SLC4A4: variants seen among roughly 807,000 people sequenced by gnomAD.
The protein encoded by SLC4A4 is electrogenic sodium bicarbonate cotransporter 1.
Under a neutral mutation model 111.5 loss-of-function variants are expected in SLC4A4, and 27 were observed. That is an observed-to-expected ratio of 0.24 (90% CI 0.18 to 0.33). The LOEUF (loss-of-function observed/expected upper bound fraction) is 0.33. Among genes scored for constraint, SLC4A4 ranks in the 10% least tolerant of loss-of-function variants. The pLI is 1.00. For synonymous variants in SLC4A4, 443 were observed against 463.4 expected (o/e 0.96, Z 0.57); for missense variants, 909 against 1,315.5 (o/e 0.69, Z 4.78).
intron 16 of SLC4A4, among the ~76,000 whole-genome samples, chr4:71,501,460 T>C (rs1349293633): frequency 6.6e-6 from 1 of 151,922 alleles, no homozygotes; most frequent in Non-Finnish European, 1.5e-5. Context: ...TTCTAGGTTA[T>C]TTAGTTTGTT....
At chr4:71,447,621 C>T (rs1191352866) in intron 8 of SLC4A4, 25 bp from the exon 9 acceptor site, 1 of 1,422,096 alleles carries the variant, frequency 7.0e-7, no homozygotes, top group Admixed American at 1.7e-5. Flanking sequence ...GTGTTATAGC[C>T]TTTGCTTCTT....
intron 15 of SLC4A4, among the ~76,000 whole-genome samples, chr4:71,491,920 T>G (rs1729958894): frequency 2.0e-5 from 3 of 151,676 alleles, no homozygotes; most frequent in Admixed American, 2.0e-4. Context: ...ACACTGAGGA[T>G]CTACTGTAAT....
intron 3 of SLC4A4, among the ~76,000 whole-genome samples, chr4:71,276,612 G>T (rs1723089681): frequency 6.7e-6 from 1 of 148,348 alleles, no homozygotes; most frequent in South Asian, 2.1e-4. Context: ...CTAGCATAGT[G>T]CCCTTAGTTC....
Position 71,102,021 on chromosome 4 carries a change from G to GA in SLC4A4, c.-2+9237dup, listed in dbSNP as rs1324834727. On this transcript the variant is annotated intron_variant, in intron 2 of 26. Coordinates refer to the SLC4A4 transcript ENST00000649996. ...CAAAGGCAAAGAAGTTGAAAACTTT[G>GA]AAAAAAAATTAGAAGAATGTATAAC... 9.3e-5 allele frequency among the ~76,000 whole-genome samples: 14 copies of GA among 150,332 alleles called. No homozygotes were observed. In the South Asian group the frequency reaches 2.5e-3, roughly 27 times the overall value.
At chr4:71,423,497 G>T (rs1045853265) in intron 7 of SLC4A4, among the ~76,000 whole-genome samples, 1 of 152,142 alleles carries the variant, frequency 6.6e-6, no homozygotes, top group African/African-American at 2.4e-5. Context: ...GATCTTGAAA[G>T]TTCATATGGA....
chr4:71,096,973 T>C (rs76490984), intron 2 of SLC4A4, among the ~76,000 whole-genome samples: 1,952 of 152,314 alleles, frequency 0.013, 38 homozygotes, highest in East Asian at 0.049. Flanking sequence ...TTTGTTCACA[T>C]TTTTATTGTG....
At chr4:71,433,378 A>G (rs1577889808) in intron 7 of SLC4A4, among the ~76,000 whole-genome samples, 1 of 151,788 alleles carries the variant, frequency 6.6e-6, no homozygotes, top group Admixed American at 6.6e-5. Context: ...TAGTTTAAAG[A>G]TACTTAAACT....
In SLC4A4 at chr4:71,567,845, A is replaced by C; in HGVS notation, c.*94A>C. 6.4e-7 allele frequency: 1 copy of C among 1,551,288 alleles called. No homozygotes were observed. The highest frequency in any genetic ancestry group is 8.7e-7 in the Non-Finnish European group (1 of 1,145,578). ...AAATTAGAATAGAACTTGAACCTGAAGACAATGATTATTTCTGGAGGAGCA... is the reference window on the plus strand; with the variant it reads ...AAATTAGAATAGAACTTGAACCTGACGACAATGATTATTTCTGGAGGAGCA... On this transcript the variant is annotated 3_prime_UTR_variant, in exon 26 of 26. Transcript: ENST00000264485.
intron 3 of SLC4A4, among the ~76,000 whole-genome samples, chr4:71,271,964 A>G (rs368242128): frequency 2.0e-5 from 3 of 152,226 alleles, no homozygotes; most frequent in Non-Finnish European, 4.4e-5. Context: ...AATTTAAACT[A>G]TTTCTTCAAG....
intron 6 of SLC4A4, among the ~76,000 whole-genome samples, chr4:71,369,943 G>A (rs1402591547): frequency 6.6e-6 from 1 of 152,078 alleles, no homozygotes; most frequent in Non-Finnish European, 1.5e-5. Flanking sequence ...ACACACACAC[G>A]ATTGTGAGAA....
Position 71,488,888 on chromosome 4 carries a change from A to ATGTGTGTGTGTGTGTGTG in SLC4A4, c.1974+1893_1974+1910dup, listed in dbSNP as rs66801188. Among the ~76,000 whole-genome samples, 17 of 140,672 alleles carry ATGTGTGTGTGTGTGTGTG rather than the reference A, an allele frequency of 1.2e-4. 1 individual carries two copies. The highest frequency in any genetic ancestry group is 8.9e-4 in the East Asian group (4 of 4,478). The allele number at this position is 140,672 out of a possible 152,430, so 92.3% of individuals were successfully genotyped here. A position where few individuals can be genotyped will look rare whatever the true frequency, so the allele number is the denominator to read the frequency against. On this transcript the variant is annotated intron_variant, in intron 15 of 25. Transcript: ENST00000264485. ...CTAGGGAAAGAAGTTAGAAGAAAAA[A>ATGTGTGTGTGTGTGTGTG]TGTGTGTGTGTGTGTGTGTGTGTGT...
At chr4:71,203,996 G>A (rs2579302) in intron 1 of SLC4A4, among the ~76,000 whole-genome samples, 42,267 of 152,048 alleles carry the variant, frequency 0.28, 9,106 homozygotes, top group African/African-American at 0.57. Flanking sequence ...TTCCAGAAAA[G>A]CCATGTTATT....
At chr4:71,107,782 A>C (rs1422928560) in intron 2 of SLC4A4, among the ~76,000 whole-genome samples, 1 of 151,464 alleles carries the variant, frequency 6.6e-6, no homozygotes, top group Non-Finnish European at 1.5e-5. Flanking sequence ...ATCATAGCTC[A>C]TTGCAGCCTC....
intron 6 of SLC4A4, among the ~76,000 whole-genome samples, chr4:71,379,797 A>T (rs1378806734): frequency 6.6e-6 from 1 of 152,150 alleles, no homozygotes; most frequent in Non-Finnish European, 1.5e-5. Flanking sequence ...TCTCAAATTC[A>T]TCTAGATTTC....
Position 71,453,537 on chromosome 4 carries a change from A to AT in SLC4A4, c.1371dup (p.Ala458CysfsTer3). On this transcript the variant is annotated frameshift_variant, in exon 12 of 26. Coordinates refer to ENST00000264485, the MANE Select transcript of SLC4A4 (RefSeq NM_001098484.3). LOFTEE classifies it high-confidence loss of function. ...TTAAAGACATAAAGAGGAAAGCGCC[A>AT]TTTTTTGCCAGTGATTTTTATGATG... 3 of 1,613,924 alleles carry AT rather than the reference A, an allele frequency of 1.9e-6. No homozygotes were observed. Among genetic ancestry groups the AT allele is most frequent in the Non-Finnish European group, 1.7e-6 (2 of 1,179,882 alleles).
At chr4:71,547,281 A>AAGG (rs1321238107) in intron 19 of SLC4A4, among the ~76,000 whole-genome samples, 1 of 152,038 alleles carries the variant, frequency 6.6e-6, no homozygotes, top group African/African-American at 2.4e-5. Context: ...CCTATGAAAG[A>AAGG]AGGTGTAAGG....
chr4:71,531,641 T>A (rs570530333), intron 16 of SLC4A4, among the ~76,000 whole-genome samples: 1 of 152,080 alleles, frequency 6.6e-6, no homozygotes, highest in African/African-American at 2.4e-5. Flanking sequence ...GTTGTGCAGA[T>A]TTTTATAATA....
intron 16 of SLC4A4, among the ~76,000 whole-genome samples, chr4:71,498,850 A>G (rs1046882339): frequency 3.9e-5 from 6 of 152,160 alleles, no homozygotes; most frequent in Non-Finnish European, 8.8e-5. Context: ...TATACATACA[A>G]AAAAACACAC....
intron 5 of SLC4A4, among the ~76,000 whole-genome samples, chr4:71,352,921 A>C (rs1729971962): frequency 6.6e-6 from 1 of 152,200 alleles, no homozygotes; most frequent in Admixed American, 6.5e-5. Flanking sequence ...AGGGTGATGA[A>C]AGTTAAAAGT....
Sources: allele counts gnomAD v4.1 joint callset (sites outside exome capture counted in the v4.1 genomes callset), GRCh38; gene constraint gnomAD v4.1.1; transcripts MANE v1.5; gene names NCBI Gene and HGNC (gene_info 2026-07-23, HGNC 2026-07-21).